SCTR: variants seen among roughly 807,000 people sequenced by gnomAD.
SCTR encodes pancreatic secretin receptor.
A neutral mutation model predicts 60.8 loss-of-function variants in SCTR; 56 were observed. The observed-to-expected ratio is 0.92, with a 90% CI of 0.74 to 1.15. SCTR has a LOEUF of 1.15. Among genes scored for constraint, SCTR ranks in the 50% most tolerant of loss-of-function variants. The pLI is 0.00. For missense variants in SCTR, 562 were observed against 550.4 expected, an observed-to-expected ratio of 1.02 and a Z score of -0.21; for synonymous variants, 202 against 217.0, an observed-to-expected ratio of 0.93 and a Z score of 0.61.
At chr2:119,474,741 A>G (rs1677193802) in intron 3 of SCTR, among the ~76,000 whole-genome samples, 1 of 152,206 alleles carries the variant, frequency 6.6e-6, no homozygotes, top group Non-Finnish European at 1.5e-5. Context: ...ACAGAACACC[A>G]AGGCCCAGAA....
At chr2:119,514,986 G>T (rs1314678881) in intron 1 of SCTR, among the ~76,000 whole-genome samples, 1 of 152,192 alleles carries the variant, frequency 6.6e-6, no homozygotes, top group East Asian at 1.9e-4. Flanking sequence ...TCGCTTCAAG[G>T]GGGGAAAGGA....
intron 2 of SCTR, among the ~76,000 whole-genome samples, chr2:119,483,082 C>G (rs2587681): frequency 0.57 from 86,595 of 152,210 alleles, 26,879 homozygotes; most frequent in Non-Finnish European, 0.69. Context: ...GCCGCAGGCT[C>G]CAGGCCATGA....
chr2:119,519,796 A>G (rs1354388996), intron 1 of SCTR, among the ~76,000 whole-genome samples: 1 of 128,136 alleles, frequency 7.8e-6, no homozygotes, highest in African/African-American at 2.9e-5. Flanking sequence ...ACAGAGTGAG[A>G]TGAGACTCTG....
At chr2:119,442,996 A>C (rs10194176) in intron 11 of SCTR, among the ~76,000 whole-genome samples, 6,577 of 152,182 alleles carry the variant, frequency 0.043, 448 homozygotes, top group African/African-American at 0.15. Flanking sequence ...TCTTCACCTC[A>C]CAAGCGAGGG....
chr2:119,513,624 C>A (rs527442283), intron 1 of SCTR, among the ~76,000 whole-genome samples: 1 of 152,298 alleles, frequency 6.6e-6, no homozygotes, highest in Admixed American at 6.5e-5. Flanking sequence ...ATTTAGACCA[C>A]AAACGTTTTG....
At chr2:119,506,368 C>T (rs1041675752) in intron 1 of SCTR, among the ~76,000 whole-genome samples, 3 of 152,202 alleles carry the variant, frequency 2.0e-5, no homozygotes, top group East Asian at 1.9e-4. Flanking sequence ...CTAGACGAAT[C>T]GCCAGAGAAA....
chr2:119,454,117 G>T (rs1234621903), intron 7 of SCTR, among the ~76,000 whole-genome samples: 1 of 152,166 alleles, frequency 6.6e-6, no homozygotes, highest in Non-Finnish European at 1.5e-5. Context: ...CCTGCCAGAG[G>T]AGTGGCAGCT....
At chr2:119,456,952 T>C (rs1683398212) in intron 7 of SCTR, among the ~76,000 whole-genome samples, 1 of 152,172 alleles carries the variant, frequency 6.6e-6, no homozygotes, top group Non-Finnish European at 1.5e-5. Context: ...GAAAGAGATA[T>C]GGGAGGGATC....
At chr2:119,450,211 TCCATTTTTA>T (rs1683109675) in intron 9 of SCTR, among the ~76,000 whole-genome samples, 3 of 151,650 alleles carry the variant, frequency 2.0e-5, no homozygotes, top group Middle Eastern at 6.9e-3. Flanking sequence ...CAAGAATGAG[TCCATTTTTA>T]AATAGTGGAA....
chr2:119,523,392 CTATTATTATTATTATTATTAT>C (rs70947300), intron 1 of SCTR, among the ~76,000 whole-genome samples: 2 of 134,268 alleles, frequency 1.5e-5, no homozygotes, highest in African/African-American at 5.6e-5. Flanking sequence ...CATCCTGCCG[CTATTATTATTATTATTATTAT>C]TATTATTATT....
At chr2:119,472,744 C>T (rs1257665023) in intron 4 of SCTR, among the ~76,000 whole-genome samples, 3 of 152,148 alleles carry the variant, frequency 2.0e-5, no homozygotes, top group Non-Finnish European at 2.9e-5. Flanking sequence ...CCAGCTCAGG[C>T]GATCCTCCTG....
chr2:119,472,021 G>A (rs1677038382), intron 4 of SCTR, among the ~76,000 whole-genome samples: 1 of 152,216 alleles, frequency 6.6e-6, no homozygotes, highest in African/African-American at 2.4e-5. Context: ...GCCAAGCATT[G>A]TGCTGGGCAC....
intron 9 of SCTR, among the ~76,000 whole-genome samples, chr2:119,451,334 G>T (rs1683161556): frequency 6.6e-6 from 1 of 152,142 alleles, no homozygotes; most frequent in South Asian, 2.1e-4. Flanking sequence ...TGGGCTACAG[G>T]ACTCTACCCT....
Position 119,479,155 on chromosome 2 carries a change from G to A in SCTR, c.194-237C>T, listed in dbSNP as rs1677483602. 4 of 1,287,416 alleles carry A rather than the reference G, an allele frequency of 3.1e-6. No individual in the cohort carries two copies. In the African/African-American group the frequency reaches 4.6e-5, roughly 15 times the overall value. 79.7% of individuals were successfully genotyped at this position (1,287,416 alleles called of 1,614,324 possible). A position where few individuals can be genotyped will look rare whatever the true frequency, so the allele number is the denominator to read the frequency against. On this transcript the variant is annotated intron_variant, in intron 2 of 12. Coordinates refer to ENST00000019103, the MANE Select transcript of SCTR (RefSeq NM_002980.3). The stretch of plus-strand genomic sequence containing the variant: ...AGATAGAAGGAAGTAAGAAAGGGAG[G>A]GAGGAAGGGAAGAAGGAAAGAAGGA...
intron 11 of SCTR, chr2:119,441,808 C>T (rs1682667419): frequency 1.8e-6 from 1 of 560,880 alleles, no homozygotes; most frequent in Admixed American, 2.8e-5. Flanking sequence ...AAACTGTGAA[C>T]TCCTTGCAGC....
Position 119,453,271 on chromosome 2 carries a change from C to T in SCTR, c.851+16G>A. 1 of 1,581,150 alleles carries T rather than the reference C, an allele frequency of 6.3e-7. No homozygotes were observed. Among genetic ancestry groups the T allele is most frequent in the Non-Finnish European group, 8.7e-7 (1 of 1,150,010 alleles). On this transcript the variant is annotated intron_variant, in intron 8 of 12. Transcript: ENST00000019103. The stretch of plus-strand genomic sequence containing the variant: ...ATGTCAGATACATTCTTGTTATCCT[C>T]CTTCCGTTAGCTTACCCAACATCTT...
At chr2:119,469,707 G>A (rs534159495) in intron 4 of SCTR, among the ~76,000 whole-genome samples, 3 of 152,256 alleles carry the variant, frequency 2.0e-5, no homozygotes, top group Non-Finnish European at 4.4e-5. Context: ...GGCCCAGACT[G>A]GTCTTGAGCT....
chr2:119,502,492 T>A (rs1435696934), intron 1 of SCTR, among the ~76,000 whole-genome samples: 1 of 152,162 alleles, frequency 6.6e-6, no homozygotes. Flanking sequence ...TCCCAGCAAG[T>A]GTTTTGGAGA....
In SCTR at chr2:119,452,321, A is replaced by T. The variant is rs201706624; in HGVS notation, c.852-242T>A. Among the ~76,000 whole-genome samples, 10 of 152,304 alleles carry T rather than the reference A, an allele frequency of 6.6e-5. No homozygotes were observed. The East Asian group carries it at 1.9e-3, about 29-fold the overall frequency. ...AACCTGAGAGCCGGGAGACTCCCAGATCCAAAAGTTAGCTTACTGTCAGAA... is the reference window on the plus strand; with the variant it reads ...AACCTGAGAGCCGGGAGACTCCCAGTTCCAAAAGTTAGCTTACTGTCAGAA... On this transcript the variant is annotated intron_variant, in intron 8 of 12. Transcript: ENST00000019103.
Sources: allele counts gnomAD v4.1 joint callset (sites outside exome capture counted in the v4.1 genomes callset), GRCh38; gene constraint gnomAD v4.1.1; transcripts MANE v1.5; gene names NCBI Gene and HGNC (gene_info 2026-07-23, HGNC 2026-07-21).